TSPAN9: variants seen among roughly 807,000 people sequenced by gnomAD.
TSPAN9 encodes the protein tetraspanin 9.
In TSPAN9, 16 loss-of-function variants were observed where a neutral mutation model predicts 31.0. That is an observed-to-expected ratio of 0.52 (90% CI 0.35 to 0.78). The LOEUF is 0.78. TSPAN9 is among the 30% of genes least tolerant of loss of function. TSPAN9 has a pLI of 0.01. For synonymous variants in TSPAN9, 145 were observed against 121.6 expected (o/e 1.19, Z -1.27); for missense variants, 272 against 312.5 (o/e 0.87, Z 0.98).
intron 2 of TSPAN9, among the ~76,000 whole-genome samples, chr12:3,138,166 G>A (rs1275787776): frequency 4.6e-5 from 7 of 152,146 alleles, no homozygotes; most frequent in Non-Finnish European, 1.0e-4. Flanking sequence ...GGGTTTGGTA[G>A]TGTGATTTTT....
At chr12:3,138,582 C>A (rs2098333146) in intron 2 of TSPAN9, among the ~76,000 whole-genome samples, 1 of 151,980 alleles carries the variant, frequency 6.6e-6, no homozygotes, top group South Asian at 2.1e-4. Flanking sequence ...CTCAGACTCC[C>A]AAGTATTTGG....
At chr12:3,266,325 G>A (rs1199763833) in intron 3 of TSPAN9, among the ~76,000 whole-genome samples, 1 of 152,184 alleles carries the variant, frequency 6.6e-6, no homozygotes, top group African/African-American at 2.4e-5. Context: ...TGCAAAATGG[G>A]GAGGACAAAG....
At chr12:3,111,020 G>T (rs553798827) in intron 2 of TSPAN9, among the ~76,000 whole-genome samples, 1 of 152,212 alleles carries the variant, frequency 6.6e-6, no homozygotes. Context: ...GCCGTAGACC[G>T]TAGTTCTTGT....
chr12:3,245,056 G>A (rs978322522), intron 3 of TSPAN9, among the ~76,000 whole-genome samples: 20 of 152,308 alleles, frequency 1.3e-4, no homozygotes, highest in Admixed American at 2.0e-4. Flanking sequence ...AGTGCTCCTG[G>A]GAAGAAGAGA....
chr12:3,181,110 T>C (rs759549238), intron 2 of TSPAN9, among the ~76,000 whole-genome samples: 1 of 152,058 alleles, frequency 6.6e-6, no homozygotes, highest in Non-Finnish European at 1.5e-5. Context: ...TCGGGGCCCA[T>C]GGCACCATCT....
At chr12:3,282,248 G>A in intron 8 of TSPAN9, 1 of 547,008 alleles carries the variant, frequency 1.8e-6, no homozygotes, top group South Asian at 2.4e-5. Context: ...TGGGTCCCCG[G>A]CTCCTTTGAG....
intron 2 of TSPAN9, among the ~76,000 whole-genome samples, chr12:3,157,139 A>G (rs1253451870): frequency 3.4e-5 from 5 of 146,630 alleles, no homozygotes; most frequent in African/African-American, 1.0e-4. Context: ...TCGCTCTGTC[A>G]CCCAGGCTGG....
At chr12:3,126,762 CCTAA>C (rs1191973077) in intron 2 of TSPAN9, among the ~76,000 whole-genome samples, 1 of 151,370 alleles carries the variant, frequency 6.6e-6, no homozygotes, top group Non-Finnish European at 1.5e-5. Flanking sequence ...TACCTGTAGC[CCTAA>C]CTACTTGGGA....
Position 3,147,877 on chromosome 12 carries a change from G to A in TSPAN9, c.-17-53300G>A, listed in dbSNP as rs2098338011. On this transcript the variant is annotated intron_variant, in intron 2 of 8. Coordinates refer to ENST00000011898, the MANE Select transcript of TSPAN9 (RefSeq NM_006675.5). This position sits in a 1 kb window ranked among gnomAD's most constrained non-coding sequence, Gnocchi z 4.3. The stretch of plus-strand genomic sequence containing the variant: ...GTTCTTAGTAAGAGATTACTAAGCT[G>A]TGTGAGTGGTGTACACATATGTGGA... Among the ~76,000 whole-genome samples, 5 of 152,314 alleles carry A rather than the reference G, an allele frequency of 3.3e-5. No homozygotes were observed. The South Asian group carries it at 1.0e-3, about 32-fold the overall frequency.
chr12:3,253,296 C>A (rs570151099), intron 3 of TSPAN9, among the ~76,000 whole-genome samples: 1 of 152,334 alleles, frequency 6.6e-6, no homozygotes, highest in African/African-American at 2.4e-5. Context: ...GGCTGCCTGC[C>A]GGCTCAGTGA....
At chr12:3,277,899 T>C (rs537973225) in intron 3 of TSPAN9, among the ~76,000 whole-genome samples, 20 of 152,316 alleles carry the variant, frequency 1.3e-4, no homozygotes, top group Admixed American at 1.1e-3. Flanking sequence ...AGTGGACAAA[T>C]GGCCCTTCGG....
chr12:3,128,900 C>G (rs1303195987), intron 2 of TSPAN9, among the ~76,000 whole-genome samples: 1 of 152,210 alleles, frequency 6.6e-6, no homozygotes, highest in African/African-American at 2.4e-5. Context: ...TGACACTGTG[C>G]ACCCATTAGA....
chr12:3,177,808 A>G (rs913827542), intron 2 of TSPAN9, among the ~76,000 whole-genome samples: 1 of 152,264 alleles, frequency 6.6e-6, no homozygotes, highest in Non-Finnish European at 1.5e-5. Context: ...TCCCAAGTTT[A>G]CAACCAGGAA....
At chr12:3,084,388 G>A (rs2098299380) in intron 2 of TSPAN9, among the ~76,000 whole-genome samples, 1 of 152,098 alleles carries the variant, frequency 6.6e-6, no homozygotes, top group Non-Finnish European at 1.5e-5. Flanking sequence ...TTTCTCCTGC[G>A]GCTTCTCCCT....
intron 2 of TSPAN9, among the ~76,000 whole-genome samples, chr12:3,137,274 C>T (rs1565588922): frequency 6.6e-6 from 1 of 152,202 alleles, no homozygotes; most frequent in African/African-American, 2.4e-5. Context: ...CCTGGAGCTC[C>T]CGCAGCTGGG....
chr12:3,084,178 G>C (rs996663736), intron 2 of TSPAN9: 1 of 152,512 alleles, frequency 6.6e-6, no homozygotes, highest in East Asian at 1.9e-4. Context: ...ACCCCTACGG[G>C]GCCCTCTTCC....
chr12:3,264,539 C>G (rs766098577), intron 3 of TSPAN9, among the ~76,000 whole-genome samples: 1 of 152,190 alleles, frequency 6.6e-6, no homozygotes, highest in Non-Finnish European at 1.5e-5. Context: ...TCTGGGCAGA[C>G]GCTGCTGCAG....
At chr12:3,165,110 T>C (rs1306277863) in intron 2 of TSPAN9, among the ~76,000 whole-genome samples, 1 of 152,118 alleles carries the variant, frequency 6.6e-6, no homozygotes, top group Middle Eastern at 3.2e-3. Context: ...CTGTGATCTG[T>C]ATTTGGTCCA....
At chr12:3,155,470 G>A (rs186969531) in intron 2 of TSPAN9, among the ~76,000 whole-genome samples, 130 of 152,184 alleles carry the variant, frequency 8.5e-4, no homozygotes, top group African/African-American at 3.1e-3. Context: ...GTGGTGGTGC[G>A]CACCTGTAAT....
Sources: gnomAD v4.1 joint callset for allele counts (sites outside exome capture counted in the v4.1 genomes callset) on GRCh38, gnomAD v4.1.1 for gene constraint, Gnocchi (gnomAD v3.1) non-coding constraint, MANE v1.5 for transcripts, NCBI Gene and HGNC (gene_info 2026-07-23, HGNC 2026-07-21) for gene names.